The following KCNH8 variants were observed in gnomAD, a reference collection of about 807,000 sequenced individuals.
KCNH8 encodes voltage-gated delayed rectifier potassium channel KCNH8.
Under a neutral mutation model 103.6 loss-of-function variants are expected in KCNH8, and 70 were observed. That is an observed-to-expected ratio of 0.68 (90% CI 0.56 to 0.82). The LOEUF (loss-of-function observed/expected upper bound fraction) is 0.82, where lower values mean the gene tolerates loss of function less well. Among genes scored for constraint, KCNH8 ranks in the 40% least tolerant of loss-of-function variants. The pLI is 0.00. For missense variants in KCNH8, 1,217 were observed against 1,329.9 expected, an observed-to-expected ratio of 0.92 and a Z score of 1.32; for synonymous variants, 498 against 489.4, an observed-to-expected ratio of 1.02 and a Z score of -0.23.
At chr3:19,428,588 A>G (rs1372563543) in intron 7 of KCNH8, among the ~76,000 whole-genome samples, 1 of 152,258 alleles carries the variant, frequency 6.6e-6, no homozygotes, top group African/African-American at 2.4e-5. Context: ...TACATGTAAT[A>G]CTGCATTCTG....
At chr3:19,349,844 C>T (rs1170266109) in intron 5 of KCNH8, among the ~76,000 whole-genome samples, 1 of 152,100 alleles carries the variant, frequency 6.6e-6, no homozygotes, top group East Asian at 1.9e-4. Flanking sequence ...GTCATTTCGA[C>T]TGTGCTTCAG....
chr3:19,302,345 C>A (rs918253678), intron 3 of KCNH8, among the ~76,000 whole-genome samples: 2 of 152,104 alleles, frequency 1.3e-5, no homozygotes, highest in African/African-American at 4.8e-5. Context: ...GAGAGGAAGA[C>A]CAAATATATA....
At chr3:19,382,330 T>G (rs2066298931) in intron 5 of KCNH8, among the ~76,000 whole-genome samples, 1 of 152,192 alleles carries the variant, frequency 6.6e-6, no homozygotes, top group Non-Finnish European at 1.5e-5. Context: ...TTTTAGCTCT[T>G]CCACTGCCTA....
Position 19,429,159 on chromosome 3 carries a change from ACTCT to A in KCNH8, c.1178-9004_1178-9001del, listed in dbSNP as rs1347015837. 1.2e-4 allele frequency among the ~76,000 whole-genome samples: 13 copies of A among 109,688 alleles called. No individual in the cohort carries two copies. The Admixed American group carries it at 1.4e-3, about 12-fold the overall frequency. 72.0% of individuals were successfully genotyped at this position (109,688 alleles called of 152,430 possible). The stretch of plus-strand genomic sequence containing the variant: ...TTTAAATGCATATGAGTCAGAATCC[ACTCT>A]TTTTTTTTTTTTTTTTTTTTTTTTT... On this transcript the variant is annotated intron_variant, in intron 7 of 15. Transcript: ENST00000328405.
chr3:19,223,381 G>T (rs1367211041), intron 1 of KCNH8, among the ~76,000 whole-genome samples: 1 of 152,112 alleles, frequency 6.6e-6, no homozygotes, highest in Non-Finnish European at 1.5e-5. Flanking sequence ...CCTCAGTATT[G>T]AATAGGTAAC....
At chr3:19,450,005 C>A in intron 8 of KCNH8, 101 bp from the exon 9 acceptor site, 1 of 869,208 alleles carries the variant, frequency 1.2e-6, no homozygotes, top group Non-Finnish European at 1.7e-6. Context: ...TGTAACCATG[C>A]TCTGCTCTGC....
intron 5 of KCNH8, among the ~76,000 whole-genome samples, chr3:19,359,909 CA>C (rs2065926547): frequency 6.6e-6 from 1 of 151,876 alleles, no homozygotes; most frequent in Non-Finnish European, 1.5e-5. Flanking sequence ...AGGTACTGAG[CA>C]CAGAAAAGGG....
Position 19,216,230 on chromosome 3 carries a change from C to A in KCNH8, c.77-37424C>A, listed in dbSNP as rs2063816506. Among the ~76,000 whole-genome samples the A allele has an allele frequency of 2.0e-5, 3 of 152,138 alleles. No homozygotes were observed. The South Asian group carries it at 6.2e-4, about 32-fold the overall frequency. ...GTTTGTGGAATTGATTCTCTCCATT[C>A]TAGGCAGGGAATGGAGAGAGAAAAA... is the stretch of plus-strand genomic sequence containing the variant. On this transcript the variant is annotated intron_variant, in intron 1 of 15. Transcript: ENST00000328405.
In KCNH8 at chr3:19,273,562, C is replaced by T. The variant is rs918344376; in HGVS notation, c.311-7636C>T. ...AGGGAATGTTACTCTGCATCCTACA[C>T]AGAGCTGCCATGGTATACAGATCAC... On this transcript the variant is annotated intron_variant, in intron 2 of 15. Coordinates refer to ENST00000328405, the MANE Select transcript of KCNH8 (RefSeq NM_144633.3). 8.5e-5 allele frequency among the ~76,000 whole-genome samples: 13 copies of T among 152,174 alleles called. 1 individual carries two copies. The highest frequency in any genetic ancestry group is 8.5e-4 in the Admixed American group (13 of 15,268).
At chr3:19,422,450 T>G (rs1313268240) in intron 7 of KCNH8, among the ~76,000 whole-genome samples, 2 of 152,220 alleles carry the variant, frequency 1.3e-5, no homozygotes, top group Non-Finnish European at 2.9e-5. Flanking sequence ...GCCAGATGTT[T>G]TACAAAATTA....
intron 15 of KCNH8, among the ~76,000 whole-genome samples, chr3:19,520,237 G>A (rs1016812490): frequency 5.3e-5 from 8 of 150,906 alleles, no homozygotes; most frequent in African/African-American, 1.5e-4. Context: ...CTAGCCCCCC[G>A]AGATGACACA....
chr3:19,390,699 G>A (rs555557963), intron 6 of KCNH8, 61 bp downstream of exon 6: 3 of 1,499,698 alleles, frequency 2.0e-6, no homozygotes, highest in South Asian at 1.3e-5. Flanking sequence ...GCATGTTCAG[G>A]TTTTAAATGC....
intron 7 of KCNH8, among the ~76,000 whole-genome samples, chr3:19,400,725 T>C (rs947611201): frequency 6.6e-6 from 1 of 151,886 alleles, no homozygotes; most frequent in Non-Finnish European, 1.5e-5. Flanking sequence ...AATCTCCTGA[T>C]CCTCGTTGGA....
At chr3:19,295,883 GA>G (rs1360414672) in intron 3 of KCNH8, among the ~76,000 whole-genome samples, 1 of 152,144 alleles carries the variant, frequency 6.6e-6, no homozygotes, top group African/African-American at 2.4e-5. Context: ...TAAGTACCCT[GA>G]ATGGGAAAGA....
chr3:19,372,118 C>A (rs1310757965), intron 5 of KCNH8, among the ~76,000 whole-genome samples: 1 of 151,032 alleles, frequency 6.6e-6, no homozygotes, highest in Non-Finnish European at 1.5e-5. Context: ...TCCATATGAA[C>A]TTTAAAGTAG....
In KCNH8 at chr3:19,524,838, T is replaced by C. The variant is rs138338688; in HGVS notation, c.2619+6764T>C. 1.2e-3 allele frequency among the ~76,000 whole-genome samples: 175 copies of C among 151,970 alleles called. 2 individuals carry two copies. Among genetic ancestry groups the C allele is most frequent in the African/African-American group, 3.9e-3 (163 of 41,494 alleles). ...AAAAGGTTATTTACAAAGAAGTTAG[T>C]AGAGTATAGGCAAACCACAAGGGGT... is the stretch of plus-strand genomic sequence containing the variant. On this transcript the variant is annotated intron_variant, in intron 15 of 15. Transcript: ENST00000328405.
In KCNH8 at chr3:19,450,161, C is replaced by T. The variant is rs746143496; in HGVS notation, c.1431C>T (p.Tyr477=). 8 of 1,613,530 alleles carry T rather than the reference C, an allele frequency of 5.0e-6. No individual in the cohort carries two copies. Among genetic ancestry groups the T allele is most frequent in the South Asian group, 1.1e-5 (1 of 91,076 alleles). Residue 477 remains tyrosine, a synonymous_variant, in exon 9 of 16, where the codon TAC becomes TAT. Coordinates refer to ENST00000328405, the MANE Select transcript of KCNH8 (RefSeq NM_144633.3). ...GNVTAIIQRM[Y]SRWSLYHTRT... is the part of the protein sequence containing the mutation. Reference sequence around the variant, plus strand: ...TGACAGCAATCATACAGAGGATGTACTCCAGATGGTCCCTCTATCACACTA... The same window carrying T: ...TGACAGCAATCATACAGAGGATGTATTCCAGATGGTCCCTCTATCACACTA...
intron 11 of KCNH8, among the ~76,000 whole-genome samples, chr3:19,500,166 C>A (rs1412352612): frequency 1.3e-5 from 2 of 152,052 alleles, no homozygotes; most frequent in Non-Finnish European, 2.9e-5. Flanking sequence ...AGACTTTAAA[C>A]CAACAAAGAT....
At chr3:19,443,534 TG>T (rs1319129589) in intron 8 of KCNH8, among the ~76,000 whole-genome samples, 1 of 151,186 alleles carries the variant, frequency 6.6e-6, no homozygotes, top group Non-Finnish European at 1.5e-5. Context: ...AATTATGGAG[TG>T]TACAAACCAC....
Sources: gnomAD v4.1 joint callset for allele counts (sites outside exome capture counted in the v4.1 genomes callset) on GRCh38, gnomAD v4.1.1 for gene constraint, MANE v1.5 for transcripts, NCBI Gene and HGNC (gene_info 2026-07-23, HGNC 2026-07-21) for gene names.